The following TMEM275 variants were observed in gnomAD, a reference collection of about 807,000 sequenced individuals.
The protein encoded by TMEM275 is transmembrane protein 275.
At position 46,535,414 on chromosome 1, in the gene TMEM275, G is replaced by A. The variant is rs532875348; in HGVS notation, c.-123-1764C>T. Among the ~76,000 whole-genome samples, 12 of 87,104 alleles carry A rather than the reference G, an allele frequency of 1.4e-4. 1 individual carries two copies. The South Asian group carries it at 3.3e-3, about 24-fold the overall frequency. 57.1% of individuals were successfully genotyped at this position (87,104 alleles called of 152,430 possible). A position where few individuals can be genotyped will look rare whatever the true frequency, so the allele number is the denominator to read the frequency against. Reference sequence around the variant, plus strand: ...AGAAAGCACATGTTGACCCTTGAGGGCATCTACAGACCACAGATTCCTGAG... The same window carrying A: ...AGAAAGCACATGTTGACCCTTGAGGACATCTACAGACCACAGATTCCTGAG... On this transcript the variant is annotated intron_variant, in intron 1 of 1. Coordinates refer to ENST00000634804, the Ensembl canonical transcript of TMEM275.
Position 46,533,515 on chromosome 1 carries a change from C to T in TMEM275, c.13G>A (p.Glu5Lys). The T allele has an allele frequency of 2.6e-6, 1 of 388,766 alleles. No individual in the cohort carries two copies. Among genetic ancestry groups the T allele is most frequent in the East Asian group, 3.7e-5 (1 of 27,238 alleles). 24.1% of individuals were successfully genotyped at this position (388,766 alleles called of 1,614,324 possible). Residue 5 changes from glutamate to lysine, a missense_variant, in exon 2 of 2, where the codon GAA becomes AAA. Glu to Lys is a moderately conservative substitution (Grantham distance 56). Coordinates refer to ENST00000634804, the Ensembl canonical transcript of TMEM275. The surrounding 1 kb of genome is among the most constrained non-coding windows in gnomAD (Gnocchi z 4.4). ...GGGACCGGTGGCCCCTCGCTCTTTT[C>T]TGCCGGCGGCATCGGCCTGCGCACG...
At chr1:46,532,743 G>A (rs976916995) in exon 2 of TMEM275, 2 of 338,624 alleles carry the variant, frequency 5.9e-6, no homozygotes, top group East Asian at 4.4e-5. Flanking sequence ...CCTGTCTAAG[G>A]GGCCAAGGCT....
exon 2 of TMEM275, chr1:46,532,413 G>C (rs33998070): frequency 0.36 from 55,426 of 152,268 alleles, 12,046 homozygotes; most frequent in Non-Finnish European, 0.5. Flanking sequence ...GCCCAAGTCA[G>C]AGCCACGGCT....
In TMEM275 at chr1:46,533,454, C is replaced by T; in HGVS notation, c.74G>A (p.Gly25Asp). 2.6e-6 allele frequency: 1 copy of T among 385,124 alleles called. No individual in the cohort carries two copies. Among genetic ancestry groups the T allele is most frequent in the South Asian group, 1.3e-4 (1 of 7,780 alleles). 23.9% of individuals were successfully genotyped at this position (385,124 alleles called of 1,614,324 possible). ...GCAGCACAGCGCCGGCGACGGCAGGCCGGGCACCCGGCCCCGGGCGCGTTC... is the reference window on the plus strand; with the variant it reads ...GCAGCACAGCGCCGGCGACGGCAGGTCGGGCACCCGGCCCCGGGCGCGTTC... The change falls in exon 2 of 2, where the codon GGC (glycine) becomes GAC (aspartate). Residue 25 changes from glycine (G) to aspartate (D), a missense_variant. Physicochemically the swap from Gly to Asp is moderately conservative, Grantham distance 94 (BLOSUM62 -1). Coordinates refer to ENST00000634804, the Ensembl canonical transcript of TMEM275. The surrounding 1 kb of genome is among the most constrained non-coding windows in gnomAD (Gnocchi z 4.4).
exon 2 of TMEM275, chr1:46,532,831 T>TGA: frequency 2.6e-6 from 1 of 382,616 alleles, no homozygotes; most frequent in Non-Finnish European, 4.6e-6. Flanking sequence ...ATGGAAAAGA[T>TGA]GAGGCCACCT....
At chr1:46,534,987 A>T (rs553168705) in intron 1 of TMEM275, among the ~76,000 whole-genome samples, 124 bp downstream of exon 1, 15 of 152,348 alleles carry the variant, frequency 9.8e-5, no homozygotes, top group African/African-American at 3.4e-4. Context: ...GTATTTAATA[A>T]ATGTTAACCA....
chr1:46,535,427 A>G (rs544561164), intron 1 of TMEM275, among the ~76,000 whole-genome samples: 41 of 152,324 alleles, frequency 2.7e-4, no homozygotes, highest in African/African-American at 9.6e-4. Flanking sequence ...TCTACAGACC[A>G]CAGATTCCTG....
At position 46,533,169 on chromosome 1, in the gene TMEM275, G is replaced by C. The variant is rs1398422865; in HGVS notation, c.359C>G (p.Thr120Arg). 2.9e-5 allele frequency: 11 copies of C among 384,198 alleles called. No individual in the cohort carries two copies. The highest frequency in any genetic ancestry group is 6.6e-4 in the Middle Eastern group (1 of 1,510). 23.8% of individuals were successfully genotyped at this position (384,198 alleles called of 1,614,324 possible). The change falls in exon 2 of 2, where the codon ACG becomes AGG. Residue 120 changes from threonine (T) to arginine (R), a missense_variant. Thr to Arg is a moderately conservative substitution (Grantham distance 71). Coordinates refer to ENST00000634804, the Ensembl canonical transcript of TMEM275. This position sits in a 1 kb window ranked among gnomAD's most constrained non-coding sequence, Gnocchi z 4.4. ...CTGCACGGCCGTGGTGTCCTGTGCC[G>C]TGGGCTCGCTGCTCTCCATCTCCAG...
exon 2 of TMEM275, chr1:46,532,945 G>T (rs1439024561): frequency 5.1e-6 from 2 of 395,068 alleles, no homozygotes; most frequent in African/African-American, 2.1e-5. Flanking sequence ...TGGCACTGAA[G>T]GAAGGGGAAT....
chr1:46,533,716 T>G lies in TMEM275; in HGVS notation c.-123-66A>C. 6 of 364,888 alleles carry G rather than the reference T, an allele frequency of 1.6e-5. No homozygotes were observed. The highest frequency in any genetic ancestry group is 2.4e-5 in the Non-Finnish European group (5 of 204,662). The allele number at this position is 364,888 out of a possible 1,614,324, so 22.6% of individuals were successfully genotyped here. A position where few individuals can be genotyped will look rare whatever the true frequency, so the allele number is the denominator to read the frequency against. On this transcript the variant is annotated intron_variant, in intron 1 of 1. Transcript: ENST00000634804. This position sits in a 1 kb window ranked among gnomAD's most constrained non-coding sequence, Gnocchi z 4.4. ...TTGACCTCCAGTCCTAGGCTCCGTC[T>G]GTAGCTACACTGAGTGCCTGGGTGG...
At chr1:46,532,267 A>T (rs368374719) in exon 2 of TMEM275, 1 of 152,310 alleles carries the variant, frequency 6.6e-6, no homozygotes, top group Non-Finnish European at 1.5e-5. Flanking sequence ...TGAAAGTCAC[A>T]CTAGGACTTT....
At position 46,533,471 on chromosome 1, in the gene TMEM275, G is replaced by GGC. The variant is rs1666697911; in HGVS notation, c.55_56dup (p.Arg20ProfsTer26). The GGC allele has an allele frequency of 2.6e-6, 1 of 388,074 alleles. No individual in the cohort carries two copies. The highest frequency in any genetic ancestry group is 2.1e-5 in the African/African-American group (1 of 48,098). The allele number at this position is 388,074 out of a possible 1,614,324, so 24.0% of individuals were successfully genotyped here. The stretch of plus-strand genomic sequence containing the variant: ...ACGGCAGGCCGGGCACCCGGCCCCG[G>GGC]GCGCGTTCCGCGGGCGCCGGGACCG... On this transcript the variant is annotated frameshift_variant, in exon 2 of 2. Transcript: ENST00000634804. LOFTEE classifies it low-confidence loss of function (END_TRUNC). This position sits in a 1 kb window ranked among gnomAD's most constrained non-coding sequence, Gnocchi z 4.4.
chr1:46,533,233 C>T lies in TMEM275; in HGVS notation c.295G>A (p.Gly99Ser), dbSNP rs1468781973. ...GCGCGGCCGCCACCCTGGCCCGGGC[C>T]CGCCGCGGCCGCCGAGCGCCCACGG... Residue 99 changes from glycine to serine, a missense_variant, in exon 2 of 2, where the codon GGC becomes AGC. By Grantham distance (56) the Gly-to-Ser change is moderately conservative. Coordinates refer to ENST00000634804, the Ensembl canonical transcript of TMEM275. The surrounding 1 kb of genome is among the most constrained non-coding windows in gnomAD (Gnocchi z 4.4). 1.2e-5 allele frequency: 4 copies of T among 329,782 alleles called. No homozygotes were observed. Among genetic ancestry groups the T allele is most frequent in the Non-Finnish European group, 2.2e-5 (4 of 183,426 alleles). 20.4% of individuals were successfully genotyped at this position (329,782 alleles called of 1,614,324 possible). A position where few individuals can be genotyped will look rare whatever the true frequency, so the allele number is the denominator to read the frequency against.
rs1666701618 is a variant in TMEM275, at chr1:46,533,593, C to T, written c.-66G>A. On this transcript the variant is annotated 5_prime_UTR_variant, in exon 2 of 2. Transcript: ENST00000634804. The surrounding 1 kb of genome is among the most constrained non-coding windows in gnomAD (Gnocchi z 4.4). ...CGCCGGCCCGGAACAGCCCAACTGC[C>T]AGGAGCCTCCTCACGCTGGTCCTGT... 2 of 378,830 alleles carry T rather than the reference C, an allele frequency of 5.3e-6. No individual in the cohort carries two copies. The highest frequency in any genetic ancestry group is 2.9e-4 in the South Asian group (2 of 7,002). 23.5% of individuals were successfully genotyped at this position (378,830 alleles called of 1,614,324 possible).
In TMEM275 at chr1:46,535,198, C is replaced by T. The variant is rs1020895648; in HGVS notation, c.-123-1548G>A. ...ATGAAGGCTAGTGTCAGATCCTTCA[C>T]TTGCAACACACAGGATGCGCAGGTC... On this transcript the variant is annotated intron_variant, in intron 1 of 1. It adds an upstream start codon to the 5' untranslated region. Transcript: ENST00000634804. 2.0e-5 allele frequency among the ~76,000 whole-genome samples: 3 copies of T among 152,196 alleles called. No homozygotes were observed. The highest frequency in any genetic ancestry group is 7.2e-5 in the African/African-American group (3 of 41,446).
exon 2 of TMEM275, chr1:46,532,300 C>T (rs1265271742): frequency 6.6e-6 from 1 of 152,334 alleles, no homozygotes; most frequent in Non-Finnish European, 1.5e-5. Flanking sequence ...AGCTCCCTCA[C>T]CACTCACCTC....
Position 46,533,025 on chromosome 1 carries a change from A to G in TMEM275, c.503T>C (p.Leu168Pro), listed in dbSNP as rs901624255. 2 of 396,236 alleles carry G rather than the reference A, an allele frequency of 5.0e-6. No individual in the cohort carries two copies. Among genetic ancestry groups the G allele is most frequent in the Non-Finnish European group, 8.9e-6 (2 of 224,606 alleles). 24.5% of individuals were successfully genotyped at this position (396,236 alleles called of 1,614,324 possible). ...GGCGGCGCGCGCCCGGGGTGGGTTG[A>G]GCTGGACTCCTTCCGAGCGCAGCGC... Residue 168 changes from leucine to proline, a missense_variant, in exon 2 of 2, where the codon CTC becomes CCC. Transcript: ENST00000634804. This position sits in a 1 kb window ranked among gnomAD's most constrained non-coding sequence, Gnocchi z 4.4.
chr1:46,534,127 C>G (rs1214788733), intron 1 of TMEM275, among the ~76,000 whole-genome samples, 86 bp from the exon 3 acceptor site: 1 of 149,770 alleles, frequency 6.7e-6, no homozygotes, highest in Non-Finnish European at 1.5e-5. Context: ...GACCTTGCCC[C>G]CCACCCCCAC....
At chr1:46,535,381 C>G (rs1666725071) in intron 1 of TMEM275, among the ~76,000 whole-genome samples, 1 of 149,706 alleles carries the variant, frequency 6.7e-6, no homozygotes. Flanking sequence ...ATCCCCAAAT[C>G]TTAGCAAAGA....
Sources: allele counts gnomAD v4.1 joint callset (sites outside exome capture counted in the v4.1 genomes callset), GRCh38; gene constraint gnomAD v4.1.1; non-coding constraint Gnocchi (gnomAD v3.1); transcripts MANE v1.5; gene names NCBI Gene and HGNC (gene_info 2026-07-23, HGNC 2026-07-21).